The following SIDT1 variants were observed in gnomAD, a reference collection of about 807,000 sequenced individuals.
SIDT1 encodes SID1 transmembrane family, member 1.
Under a neutral mutation model 107.5 loss-of-function variants are expected in SIDT1, and 101 were observed. The ratio of observed to expected loss-of-function variants is 0.94; its 90% CI spans 0.80 to 1.11. SIDT1 has a LOEUF of 1.11. SIDT1 is among the 50% of genes least tolerant of loss of function. SIDT1 has a pLI of 0.00. For missense variants in SIDT1, 1,076 were observed against 1,058.2 expected, an observed-to-expected ratio of 1.02 and a Z score of -0.23; for synonymous variants, 395 against 398.2, an observed-to-expected ratio of 0.99 and a Z score of 0.10.
rs550374910 is a variant in SIDT1, at chr3:113,628,717, G to A, written c.*1009G>A. 6.6e-6 allele frequency: 1 copy of A among 152,364 alleles called. No individual in the cohort carries two copies. Among genetic ancestry groups the A allele is most frequent in the South Asian group, 2.1e-4 (1 of 4,822 alleles). The allele number at this position is 152,364 out of a possible 1,614,324, so 9.4% of individuals were successfully genotyped here. A position where few individuals can be genotyped will look rare whatever the true frequency, so the allele number is the denominator to read the frequency against. The stretch of plus-strand genomic sequence containing the variant: ...GGAAGAAATCAGCATTCTAATCAGG[G>A]ACACTACTTCAGGAGTCCTCCACAG... On this transcript the variant is annotated 3_prime_UTR_variant, in exon 25 of 25. Coordinates refer to ENST00000264852, the MANE Select transcript of SIDT1 (RefSeq NM_017699.3).
At chr3:113,574,842 G>C (rs1471108585) in intron 3 of SIDT1, among the ~76,000 whole-genome samples, 1 of 152,056 alleles carries the variant, frequency 6.6e-6, no homozygotes, top group Admixed American at 6.6e-5. Context: ...AAACAAATCA[G>C]TTGAAATTTT....
In SIDT1 at chr3:113,566,470, C is replaced by T; in HGVS notation, c.273C>T (p.Tyr91=). Residue 91 remains tyrosine, a synonymous_variant, in exon 2 of 25, where the codon TAC becomes TAT. Coordinates refer to ENST00000264852, the MANE Select transcript of SIDT1 (RefSeq NM_017699.3). ...ACAGTTCCTCTGAGAATCTCAACTA[C>T]CCGGTCCTTGTTGTGGTTCGCCAGC... ...YVNSSSENLN[Y]PVLVVVRQQK... 2 of 1,614,112 alleles carry T rather than the reference C, an allele frequency of 1.2e-6. No individual in the cohort carries two copies. The highest frequency in any genetic ancestry group is 1.7e-6 in the Non-Finnish European group (2 of 1,180,002).
At chr3:113,559,769 C>A (rs1941251861) in intron 1 of SIDT1, among the ~76,000 whole-genome samples, 1 of 152,102 alleles carries the variant, frequency 6.6e-6, no homozygotes, top group South Asian at 2.1e-4. Context: ...ATATCCTTAA[C>A]CCACTTTTTC....
chr3:113,600,418 C>T (rs1164290311), intron 10 of SIDT1, among the ~76,000 whole-genome samples: 2 of 151,666 alleles, frequency 1.3e-5, no homozygotes, highest in African/African-American at 4.8e-5. Context: ...TACATGATCT[C>T]TCAGCATCTC....
At chr3:113,546,233 A>T (rs1939571491) in intron 1 of SIDT1, among the ~76,000 whole-genome samples, 2 of 152,170 alleles carry the variant, frequency 1.3e-5, no homozygotes, top group South Asian at 4.1e-4. Flanking sequence ...CATTGTTCTG[A>T]TATTTTTCCA....
At position 113,539,350 on chromosome 3, in the gene SIDT1, G is replaced by A. The variant is rs1043407245; in HGVS notation, c.222+6107G>A. ...CCTGAATTCTTCTGGTAAAACTCAA[G>A]TGCTCTTTGACAGCTTCCTTGCTTT... is the stretch of plus-strand genomic sequence containing the variant. On this transcript the variant is annotated intron_variant, in intron 1 of 24. Transcript: ENST00000264852. Among the ~76,000 whole-genome samples the A allele has an allele frequency of 6.1e-4, 93 of 152,178 alleles. 1 individual carries two copies. Among genetic ancestry groups the A allele is most frequent in the Non-Finnish European group, 3.1e-4 (21 of 68,032 alleles).
At chr3:113,631,752 A>G (rs775358967), downstream of SIDT1, among the ~76,000 whole-genome samples, 7 of 152,184 alleles carry the variant, frequency 4.6e-5, no homozygotes, top group African/African-American at 9.7e-5. Flanking sequence ...CCTGTCCTCA[A>G]TGAACTCCAA....
intron 10 of SIDT1, among the ~76,000 whole-genome samples, chr3:113,597,895 T>C (rs1944687745): frequency 6.6e-6 from 1 of 152,240 alleles, no homozygotes; most frequent in East Asian, 1.9e-4. Flanking sequence ...CTATGTACTA[T>C]ACAGTTAAAT....
At chr3:113,634,901 T>C in the SIDT1 span, among the ~76,000 whole-genome samples, 8 of 152,236 alleles carry the variant, frequency 5.3e-5, no homozygotes, top group African/African-American at 1.9e-4. Context: ...AAACACATTG[T>C]GCCTTAGGAA....
chr3:113,602,967 C>T (rs1945064038), intron 11 of SIDT1, 38 bp from the exon 12 acceptor site: 1 of 1,607,926 alleles, frequency 6.2e-7, no homozygotes, highest in African/African-American at 1.3e-5. Flanking sequence ...GTAGGCTCTC[C>T]ACGGCTTTTG....
chr3:113,564,652 A>G (rs1941736237), intron 1 of SIDT1, among the ~76,000 whole-genome samples: 1 of 152,246 alleles, frequency 6.6e-6, no homozygotes, highest in South Asian at 2.1e-4. Context: ...TCAGGCTTAC[A>G]TGAATGGCTG....
At chr3:113,571,209 G>A (rs1441253168) in intron 3 of SIDT1, among the ~76,000 whole-genome samples, 3 of 151,956 alleles carry the variant, frequency 2.0e-5, no homozygotes, top group African/African-American at 7.3e-5. Flanking sequence ...ATGACTTAAG[G>A]CCAGGAGTTC....
Position 113,616,163 on chromosome 3 carries a change from G to A in SIDT1, c.2030G>A (p.Arg677Gln). 3 of 1,612,984 alleles carry A rather than the reference G, an allele frequency of 1.9e-6. No homozygotes were observed. Among genetic ancestry groups the A allele is most frequent in the Non-Finnish European group, 2.5e-6 (3 of 1,178,954 alleles). Residue 677 changes from arginine to glutamine, a missense_variant, in exon 20 of 25, where the codon CGA becomes CAA. Arg to Gln is a conservative substitution (Grantham distance 43). Transcript: ENST00000264852. ...ACAGACTGTATCCAGCAGTGTAGCC[G>A]ACCTCTATATATGGTATGTGCATGT... ...FYTDCIQQCS[R>Q]PLYMDRMVLL...
chr3:113,533,991 A>C (rs1246539254), intron 1 of SIDT1, among the ~76,000 whole-genome samples: 1 of 152,234 alleles, frequency 6.6e-6, no homozygotes, highest in Non-Finnish European at 1.5e-5. Flanking sequence ...TACTCCGATT[A>C]TATAACGTAA....
intron 1 of SIDT1, among the ~76,000 whole-genome samples, chr3:113,558,476 A>G (rs1303939041): frequency 6.6e-6 from 1 of 152,214 alleles, no homozygotes; most frequent in Non-Finnish European, 1.5e-5. Context: ...TTTAAATGCT[A>G]TCATTTCAAG....
At chr3:113,567,753 C>T (rs369544028) in intron 3 of SIDT1, 43 bp downstream of exon 3, 4 of 1,570,664 alleles carry the variant, frequency 2.5e-6, no homozygotes, top group African/African-American at 2.7e-5. Flanking sequence ...GTTTCCTGTG[C>T]TTGTGGATGC....
At chr3:113,597,304 C>T (rs1464215387) in intron 10 of SIDT1, among the ~76,000 whole-genome samples, 1 of 152,024 alleles carries the variant, frequency 6.6e-6, no homozygotes, top group Non-Finnish European at 1.5e-5. Context: ...TGAGACCATC[C>T]TGGCCAACAT....
At chr3:113,597,909 G>T (rs1475256908) in intron 10 of SIDT1, among the ~76,000 whole-genome samples, 1 of 152,154 alleles carries the variant, frequency 6.6e-6, no homozygotes, top group Non-Finnish European at 1.5e-5. Context: ...GTTAAATATA[G>T]ATATGGCTTG....
chr3:113,579,192 A>G (rs1943141560), intron 4 of SIDT1, among the ~76,000 whole-genome samples: 1 of 152,166 alleles, frequency 6.6e-6, no homozygotes, highest in Admixed American at 6.5e-5. Flanking sequence ...TGCTTTGGGT[A>G]TTTGTCGTTC....
Sources: gnomAD v4.1 joint callset for allele counts (sites outside exome capture counted in the v4.1 genomes callset) on GRCh38, gnomAD v4.1.1 for gene constraint, MANE v1.5 for transcripts, NCBI Gene and HGNC (gene_info 2026-07-23, HGNC 2026-07-21) for gene names.